The following CDH8 variants were observed in gnomAD, a reference collection of about 807,000 sequenced individuals.
The protein encoded by CDH8 is cadherin-8.
Under a neutral mutation model 68.1 loss-of-function variants are expected in CDH8, and 17 were observed. The observed-to-expected ratio is 0.25, with a 90% CI of 0.17 to 0.37. The LOEUF (loss-of-function observed/expected upper bound fraction) is 0.37, where lower values mean the gene tolerates loss of function less well. Ranked by LOEUF, CDH8 falls within the 10% of genes least tolerant of loss-of-function variation. The probability of loss-of-function intolerance (pLI) is 1.00; values close to 1 mark genes in which losing one functional copy is unlikely to be tolerated. For synonymous variants in CDH8, 372 were observed against 365.1 expected (o/e 1.02, Z -0.21); for missense variants, 763 against 999.3 (o/e 0.76, Z 3.19).
At chr16:61,694,777 G>A (rs990508200) in intron 10 of CDH8, among the ~76,000 whole-genome samples, 2 of 151,942 alleles carry the variant, frequency 1.3e-5, no homozygotes, top group Non-Finnish European at 2.9e-5. Context: ...GTTGGTGGTG[G>A]TGGTGGTGGT....
At chr16:61,855,807 T>C (rs540730277) in intron 4 of CDH8, among the ~76,000 whole-genome samples, 11 of 152,272 alleles carry the variant, frequency 7.2e-5, no homozygotes, top group African/African-American at 2.6e-4. Context: ...TCTGCCACTG[T>C]AACTTTGGCC....
chr16:61,764,425 C>A (rs1033366516), intron 8 of CDH8, among the ~76,000 whole-genome samples: 27 of 152,086 alleles, frequency 1.8e-4, no homozygotes, highest in African/African-American at 6.5e-4. Flanking sequence ...TACTCAGTTT[C>A]CCGTAGGAAA....
rs561742806 is a variant in CDH8 at position 61,885,832 on chromosome 16, G to A, written c.547+15347C>T. Among the ~76,000 whole-genome samples, 59 of 152,092 alleles carry A rather than the reference G, an allele frequency of 3.9e-4. 1 individual carries two copies. The highest frequency in any genetic ancestry group is 1.9e-3 in the Admixed American group (29 of 15,252). On this transcript the variant is annotated intron_variant, in intron 3 of 11. Transcript: ENST00000577390. ...GATTTTGCCCTTTGTTTTCAGTCTC[G>A]ATCATCTAGTTTTCTTTAACAGTAA...
At chr16:61,881,774 T>TTAC (rs1293296633) in intron 3 of CDH8, among the ~76,000 whole-genome samples, 3 of 152,244 alleles carry the variant, frequency 2.0e-5, no homozygotes, top group African/African-American at 7.2e-5. Flanking sequence ...CTTCTCGTGG[T>TTAC]TACCTAGTAG....
intron 2 of CDH8, among the ~76,000 whole-genome samples, chr16:61,962,715 T>C (rs987499135): frequency 6.6e-6 from 1 of 152,174 alleles, no homozygotes. Context: ...AACAAAAGTA[T>C]AAAATTGTGT....
intron 9 of CDH8, chr16:61,726,674 C>T (rs1001762667): frequency 4.4e-6 from 1 of 228,810 alleles, no homozygotes; most frequent in Admixed American, 5.7e-5. Context: ...TTCTATAAAC[C>T]ACTGGCCTTC....
intron 2 of CDH8, among the ~76,000 whole-genome samples, chr16:61,953,675 CT>C (rs1333306930): frequency 1.3e-5 from 2 of 151,346 alleles, no homozygotes; most frequent in Non-Finnish European, 2.9e-5. Context: ...CGAGACCAGC[CT>C]GGGCAACTTG....
chr16:61,698,046 G>C (rs1442049373), intron 10 of CDH8, among the ~76,000 whole-genome samples: 1 of 152,060 alleles, frequency 6.6e-6, no homozygotes, highest in African/African-American at 2.4e-5. Flanking sequence ...TAACATATAA[G>C]TTTTATAAAT....
intron 3 of CDH8, among the ~76,000 whole-genome samples, chr16:61,882,693 T>C (rs1008430990): frequency 2.6e-5 from 4 of 152,064 alleles, no homozygotes; most frequent in South Asian, 4.2e-4. Context: ...AACACATAGA[T>C]GGGACCAACA....
Position 61,808,621 on chromosome 16 carries a change from C to CA in CDH8, c.1277+8857dup, listed in dbSNP as rs1567479879. On this transcript the variant is annotated intron_variant, in intron 7 of 11. Coordinates refer to ENST00000577390, the MANE Select transcript of CDH8 (RefSeq NM_001796.5). ...CATTGCAGGTAGCTGGATCCTAATA[C>CA]AAAAAAGTTATTTGACTACTAACAT... is the stretch of plus-strand genomic sequence containing the variant. 3.3e-5 allele frequency among the ~76,000 whole-genome samples: 5 copies of CA among 152,172 alleles called. No individual in the cohort carries two copies. In the South Asian group the frequency reaches 8.3e-4, roughly 25 times the overall value.
chr16:61,965,049 C>T (rs912171420), intron 2 of CDH8, among the ~76,000 whole-genome samples: 1 of 152,076 alleles, frequency 6.6e-6, no homozygotes, highest in African/African-American at 2.4e-5. Context: ...GTTTTTATAT[C>T]TGAATTTCTT....
intron 2 of CDH8, among the ~76,000 whole-genome samples, chr16:61,911,777 G>A (rs1964167326): frequency 6.6e-6 from 1 of 151,996 alleles, no homozygotes; most frequent in African/African-American, 2.4e-5. Flanking sequence ...AATAAATGAT[G>A]AAATAAGAAT....
At chr16:61,875,186 T>C (rs1310280151) in intron 3 of CDH8, among the ~76,000 whole-genome samples, 1 of 145,318 alleles carries the variant, frequency 6.9e-6, no homozygotes, top group Non-Finnish European at 1.5e-5. Flanking sequence ...CAACATTACT[T>C]TTTTTTTTCA....
intron 4 of CDH8, among the ~76,000 whole-genome samples, chr16:61,843,413 G>T (rs920625139): frequency 1.3e-5 from 2 of 152,152 alleles, no homozygotes; most frequent in African/African-American, 2.4e-5. Context: ...ATATGCTCTG[G>T]AAAGGAGCTA....
At chr16:61,675,623 A>T (rs1393402607) in intron 10 of CDH8, among the ~76,000 whole-genome samples, 2 of 64,260 alleles carry the variant, frequency 3.1e-5, no homozygotes, top group East Asian at 3.3e-4. Flanking sequence ...AAAAATAAAA[A>T]AAATAAAAAA....
intron 10 of CDH8, among the ~76,000 whole-genome samples, chr16:61,675,962 T>C (rs1234815877): frequency 1.3e-5 from 2 of 151,660 alleles, no homozygotes; most frequent in East Asian, 3.9e-4. Flanking sequence ...AGCCACTTAA[T>C]ACTGAAGAAG....
At chr16:61,780,962 T>C (rs1961035513) in intron 8 of CDH8, among the ~76,000 whole-genome samples, 1 of 152,194 alleles carries the variant, frequency 6.6e-6, no homozygotes, top group African/African-American at 2.4e-5. Context: ...AAGAAAGAAA[T>C]CTGCAAAAAT....
intron 8 of CDH8, among the ~76,000 whole-genome samples, chr16:61,771,957 T>C (rs1395212248): frequency 6.6e-6 from 1 of 151,994 alleles, no homozygotes; most frequent in Non-Finnish European, 1.5e-5. Context: ...TCATTCATTG[T>C]TAAATTATGG....
chr16:61,732,146 C>T (rs1579449), intron 8 of CDH8, among the ~76,000 whole-genome samples: 18,699 of 151,066 alleles, frequency 0.12, 1,222 homozygotes, highest in South Asian at 0.17. Context: ...GTCATATATG[C>T]ATAATAGTAA....
Sources: gnomAD v4.1 joint callset for allele counts (sites outside exome capture counted in the v4.1 genomes callset) on GRCh38, gnomAD v4.1.1 for gene constraint, MANE v1.5 for transcripts, NCBI Gene and HGNC (gene_info 2026-07-23, HGNC 2026-07-21) for gene names.